The following CLIC5 variants were observed in gnomAD, a reference collection of about 807,000 sequenced individuals.
CLIC5 encodes the protein chloride intracellular channel protein 5.
CLIC5 carries 20 observed loss-of-function variants against 24.7 expected under a neutral mutation model. That is an observed-to-expected ratio of 0.81 (90% CI 0.57 to 1.18). The LOEUF is 1.18. Among genes scored for constraint, CLIC5 ranks in the 50% most tolerant of loss-of-function variants. The pLI is 0.00. For synonymous variants in CLIC5, 159 were observed against 135.6 expected (o/e 1.17, Z -1.20); for missense variants, 341 against 326.1 (o/e 1.05, Z -0.35).
chr6:46,058,416 T>G (rs923877161), intron 1 of CLIC5, among the ~76,000 whole-genome samples: 1 of 152,228 alleles, frequency 6.6e-6, no homozygotes, highest in African/African-American at 2.4e-5. Context: ...TTAAGGAATT[T>G]CCTCCAAGGC....
chr6:46,042,149 T>C (rs1308554124), intron 1 of CLIC5, among the ~76,000 whole-genome samples: 1 of 152,182 alleles, frequency 6.6e-6, no homozygotes, highest in Non-Finnish European at 1.5e-5. Context: ...CAAACTAAAA[T>C]GGGCTTTCAA....
chr6:45,936,763 C>T (rs575504557), intron 4 of CLIC5, among the ~76,000 whole-genome samples: 21 of 152,232 alleles, frequency 1.4e-4, no homozygotes, highest in Non-Finnish European at 2.6e-4. Context: ...TTTAGAAACA[C>T]CGTCCTTATC....
chr6:46,031,375 T>G (rs1160016555), intron 1 of CLIC5, among the ~76,000 whole-genome samples: 1 of 152,156 alleles, frequency 6.6e-6, no homozygotes, highest in Non-Finnish European at 1.5e-5. Context: ...GTAAAAGATG[T>G]GAACACTTAG....
chr6:45,978,854 G>T (rs1765473100), intron 1 of CLIC5, among the ~76,000 whole-genome samples: 1 of 152,070 alleles, frequency 6.6e-6, no homozygotes, highest in Non-Finnish European at 1.5e-5. Context: ...GGAGGCTGAG[G>T]TAGGAGAATG....
chr6:46,002,246 T>G (rs3836939), intron 1 of CLIC5, among the ~76,000 whole-genome samples: 39,399 of 139,678 alleles, frequency 0.28, 5,560 homozygotes, highest in East Asian at 0.54. Flanking sequence ...TGTAATTTTT[T>G]TTGTTGTTGT....
At chr6:46,115,423 G>A in the CLIC5 span, among the ~76,000 whole-genome samples, 1 of 152,186 alleles carries the variant, frequency 6.6e-6, no homozygotes, top group African/African-American at 2.4e-5. Flanking sequence ...TCCTGGGTGT[G>A]AGCAGGCAAC....
At chr6:46,116,247 GT>G in the CLIC5 span, among the ~76,000 whole-genome samples, 1 of 152,054 alleles carries the variant, frequency 6.6e-6, no homozygotes, top group East Asian at 1.9e-4. Context: ...AGATGTATTT[GT>G]TTTTTTCTGA....
chr6:45,956,877 C>T (rs796812977), intron 1 of CLIC5, among the ~76,000 whole-genome samples: 3 of 152,138 alleles, frequency 2.0e-5, no homozygotes, highest in East Asian at 1.9e-4. Context: ...ACAGTGTGGG[C>T]GCTACACCTT....
intron 1 of CLIC5, among the ~76,000 whole-genome samples, chr6:45,978,847 G>A (rs899992909): frequency 6.6e-6 from 1 of 152,128 alleles, no homozygotes; most frequent in Non-Finnish European, 1.5e-5. Context: ...CTACTTGGGA[G>A]GCTGAGGTAG....
chr6:45,881,228 T>C (rs1762260486), intron 6 of CLIC5: 3 of 398,236 alleles, frequency 7.5e-6, no homozygotes, highest in African/African-American at 4.1e-5. Context: ...TTGGAGCCAA[T>C]TTAATGGGCC....
In CLIC5 at chr6:46,004,651, CTG is replaced by C. The variant is rs546689706; in HGVS notation, c.63+10827_63+10828del. On this transcript the variant is annotated intron_variant, in intron 1 of 5. Coordinates refer to ENST00000339561, the MANE Select transcript of CLIC5 (RefSeq NM_016929.5). ...GTGCCTGACATCTGAACAGTGAAGA[CTG>C]TAGTTTGCAAAAGGGGTTCATGTTT... is the stretch of plus-strand genomic sequence containing the variant. Among the ~76,000 whole-genome samples the C allele has an allele frequency of 5.3e-3, 807 of 152,296 alleles. 7 individuals carry two copies. The highest frequency in any genetic ancestry group is 0.018 in the African/African-American group (742 of 41,548).
intron 1 of CLIC5, among the ~76,000 whole-genome samples, chr6:45,969,460 C>G (rs1418324570): frequency 6.7e-6 from 1 of 149,246 alleles, no homozygotes; most frequent in Non-Finnish European, 1.5e-5. Flanking sequence ...CCCACCCCCT[C>G]CTGCTCTATC....
chr6:45,923,101 AC>A (rs1421404528), intron 4 of CLIC5, among the ~76,000 whole-genome samples: 6 of 152,200 alleles, frequency 3.9e-5, no homozygotes, highest in African/African-American at 1.4e-4. Flanking sequence ...TGATTGTAGA[AC>A]CCATCGTGCT....
At chr6:46,040,966 C>T (rs1050209726) in intron 1 of CLIC5, among the ~76,000 whole-genome samples, 1 of 152,084 alleles carries the variant, frequency 6.6e-6, no homozygotes, top group East Asian at 1.9e-4. Flanking sequence ...AAAAATCCCC[C>T]AAATTAAAAA....
intron 1 of CLIC5, among the ~76,000 whole-genome samples, chr6:45,971,722 G>A (rs938832794): frequency 3.3e-5 from 5 of 152,148 alleles, no homozygotes; most frequent in African/African-American, 1.2e-4. Context: ...AAATTCTGAG[G>A]TCTCAACTAG....
chr6:45,993,085 C>T (rs948613306), intron 1 of CLIC5, among the ~76,000 whole-genome samples: 1 of 152,196 alleles, frequency 6.6e-6, no homozygotes, highest in African/African-American at 2.4e-5. Flanking sequence ...GAAACAGATG[C>T]TAGCAATTAG....
chr6:45,980,197 A>T (rs1479835196), intron 1 of CLIC5, among the ~76,000 whole-genome samples: 1 of 151,978 alleles, frequency 6.6e-6, no homozygotes, highest in African/African-American at 2.4e-5. Context: ...CTTGCTGAAG[A>T]TCTGGCCTTA....
intron 5 of CLIC5, among the ~76,000 whole-genome samples, chr6:45,904,832 C>T (rs77200222): frequency 0.035 from 5,297 of 150,650 alleles, 331 homozygotes; most frequent in African/African-American, 0.12. Context: ...TATGATTGGT[C>T]CTGTCACCTA....
At chr6:46,096,384 T>C in the CLIC5 span, among the ~76,000 whole-genome samples, 2 of 152,330 alleles carry the variant, frequency 1.3e-5, no homozygotes, top group South Asian at 2.1e-4. Context: ...TTGTGGTATA[T>C]CCACACCGTG....
Sources: gnomAD v4.1 joint callset for allele counts (sites outside exome capture counted in the v4.1 genomes callset) on GRCh38, gnomAD v4.1.1 for gene constraint, MANE v1.5 for transcripts, NCBI Gene and HGNC (gene_info 2026-07-23, HGNC 2026-07-21) for gene names.